CLASP2: variants seen among roughly 807,000 people sequenced by gnomAD.
CLASP2 encodes cytoplasmic linker associated protein 2.
Under a neutral mutation model 194.4 loss-of-function variants are expected in CLASP2, and 47 were observed. The observed-to-expected ratio is 0.24, with a 90% CI of 0.19 to 0.31. The LOEUF (loss-of-function observed/expected upper bound fraction) is 0.31, where lower values mean the gene tolerates loss of function less well. Ranked by LOEUF, CLASP2 falls within the 10% of genes least tolerant of loss-of-function variation. The probability of loss-of-function intolerance (pLI) is 1.00; values close to 1 mark genes in which losing one functional copy is unlikely to be tolerated. For synonymous variants in CLASP2, 619 were observed against 633.5 expected, an observed-to-expected ratio of 0.98 and a Z score of 0.34; for missense variants, 1,445 against 1,823.6, an observed-to-expected ratio of 0.79 and a Z score of 3.78.
At chr3:33,643,676 T>C (rs1214113381) in intron 8 of CLASP2, among the ~76,000 whole-genome samples, 1 of 151,978 alleles carries the variant, frequency 6.6e-6, no homozygotes, top group Non-Finnish European at 1.5e-5. Context: ...TTGCTAGTTA[T>C]ATGACACAGA....
intron 1 of CLASP2, among the ~76,000 whole-genome samples, chr3:33,715,135 GT>G (rs1254984973): frequency 1.3e-5 from 2 of 152,134 alleles, no homozygotes; most frequent in African/African-American, 4.8e-5. Context: ...TGACTCTTAT[GT>G]TTCTTCAGTG....
chr3:33,619,318 G>A (rs576670784), intron 12 of CLASP2, among the ~76,000 whole-genome samples: 7 of 152,124 alleles, frequency 4.6e-5, no homozygotes, highest in African/African-American at 7.2e-5. Flanking sequence ...ATACACACAC[G>A]TAACTGTAGA....
intron 1 of CLASP2, among the ~76,000 whole-genome samples, chr3:33,707,858 A>T (rs1239400193): frequency 6.6e-6 from 1 of 152,224 alleles, no homozygotes; most frequent in East Asian, 1.9e-4. Flanking sequence ...AGGGGGAAAC[A>T]TTAAAAGAGA....
chr3:33,605,593 T>C (rs111793579), intron 16 of CLASP2, among the ~76,000 whole-genome samples: 2,733 of 152,180 alleles, frequency 0.018, 73 homozygotes, highest in African/African-American at 0.062. Context: ...ATCTTTGTGG[T>C]GGTCAAGATC....
chr3:33,717,049 A>G (rs1333867717), intron 1 of CLASP2, among the ~76,000 whole-genome samples: 2 of 152,190 alleles, frequency 1.3e-5, no homozygotes, highest in African/African-American at 2.4e-5. Flanking sequence ...CAACGCGGCT[A>G]CATTACACCC....
chr3:33,715,350 TAAAATTCC>T (rs2093241558), intron 1 of CLASP2, among the ~76,000 whole-genome samples: 1 of 152,208 alleles, frequency 6.6e-6, no homozygotes, highest in Non-Finnish European at 1.5e-5. Context: ...ACCAACTATT[TAAAATTCC>T]AACATATGCA....
At chr3:33,600,155 G>A (rs2071654031) in intron 18 of CLASP2, among the ~76,000 whole-genome samples, 1 of 152,044 alleles carries the variant, frequency 6.6e-6, no homozygotes, top group Admixed American at 6.6e-5. Flanking sequence ...TGCAAAGAGA[G>A]ACAGTTTGTT....
intron 34 of CLASP2, among the ~76,000 whole-genome samples, chr3:33,534,312 A>G (rs1425202321): frequency 6.6e-6 from 1 of 152,218 alleles, no homozygotes; most frequent in African/African-American, 2.4e-5. Flanking sequence ...CTACAATCCC[A>G]GCACTTTGAG....
chr3:33,563,814 T>C (rs1560049068), intron 27 of CLASP2: 1 of 445,372 alleles, frequency 2.2e-6, no homozygotes, highest in Admixed American at 2.4e-5. Flanking sequence ...GTCTGTAAGA[T>C]AATGTCTAAA....
At chr3:33,673,279 G>T (rs1480171878) in intron 6 of CLASP2, among the ~76,000 whole-genome samples, 1 of 151,232 alleles carries the variant, frequency 6.6e-6, no homozygotes, top group African/African-American at 2.4e-5. Flanking sequence ...GAGAGTGGGG[G>T]CCAATATTCA....
At chr3:33,601,660 T>C (rs1426023011) in intron 18 of CLASP2, among the ~76,000 whole-genome samples, 2 of 152,240 alleles carry the variant, frequency 1.3e-5, no homozygotes, top group African/African-American at 2.4e-5. Context: ...TCACCTATTA[T>C]GTTTTCATCA....
chr3:33,660,559 T>G (rs1264716686), intron 7 of CLASP2, among the ~76,000 whole-genome samples: 1 of 152,182 alleles, frequency 6.6e-6, no homozygotes, highest in Non-Finnish European at 1.5e-5. Flanking sequence ...TAAATCAATA[T>G]GCTGTAAGAT....
chr3:33,498,470 A>G lies in CLASP2; in HGVS notation c.*161T>C. 2 of 509,990 alleles carry G rather than the reference A, an allele frequency of 3.9e-6. No individual in the cohort carries two copies. Among genetic ancestry groups the G allele is most frequent in the Non-Finnish European group, 7.0e-6 (2 of 284,134 alleles). 31.6% of individuals were successfully genotyped at this position (509,990 alleles called of 1,614,324 possible). On this transcript the variant is annotated 3_prime_UTR_variant, in exon 39 of 39. Transcript: ENST00000682230. ...TAAAAGTTACATGCAGACTGAGGAT[A>G]GTCCTCTGTTACAGAAAATACAAAA...
chr3:33,537,976 C>A (rs1172695129), intron 33 of CLASP2, among the ~76,000 whole-genome samples: 1 of 152,108 alleles, frequency 6.6e-6, no homozygotes, highest in Non-Finnish European at 1.5e-5. Flanking sequence ...CTCATCTCTG[C>A]TAAAAATACA....
intron 6 of CLASP2, among the ~76,000 whole-genome samples, chr3:33,673,651 C>T (rs1380841861): frequency 1.2e-4 from 19 of 152,042 alleles, no homozygotes; most frequent in African/African-American, 2.2e-4. Flanking sequence ...GACTGGCAAA[C>T]TGGATAAAGA....
Position 33,689,917 on chromosome 3 carries a change from A to G in CLASP2, c.290T>C (p.Ile97Thr), listed in dbSNP as rs2091156972. The G allele has an allele frequency of 6.3e-7, 1 of 1,587,528 alleles. No individual in the cohort carries two copies. ...GTCTTTGGCATCTCCCATTCTGTCTATTAAAGCTACAATAACTAAAGAAGG... is the reference window on the plus strand; with the variant it reads ...GTCTTTGGCATCTCCCATTCTGTCTGTTAAAGCTACAATAACTAAAGAAGG... ...SYVAMVIVAL[I>T]DRMGDAKDKV... The change falls in exon 3 of 39, where the codon ATA (isoleucine) becomes ACA (threonine). Residue 97 changes from isoleucine to threonine, a missense_variant. By Grantham distance (89) the Ile-to-Thr change is moderately conservative (BLOSUM62 -1). Around this residue, in one of 4 missense-constraint regions of CLASP2, gnomAD observed 332 missense variants for 325.3 expected, o/e 1.02. Coordinates refer to ENST00000682230, the MANE Select transcript of CLASP2 (RefSeq NM_001365631.1).
Position 33,677,031 on chromosome 3 carries a change from A to G in CLASP2, c.644+7328T>C, listed in dbSNP as rs551053068. ...ATCATCTCACACCAGTTAGAATGGC[A>G]ATCATTAAAAAGTCAGGAAACAACA... On this transcript the variant is annotated intron_variant, in intron 6 of 38. Coordinates refer to ENST00000682230, the MANE Select transcript of CLASP2 (RefSeq NM_001365631.1). Among the ~76,000 whole-genome samples the G allele has an allele frequency of 3.9e-5, 6 of 152,240 alleles. No homozygotes were observed. The East Asian group carries it at 9.7e-4, about 25-fold the overall frequency.
At position 33,718,096 on chromosome 3, in the gene CLASP2, G is replaced by C; in HGVS notation, c.-94C>G. 1 of 1,322,706 alleles carries C rather than the reference G, an allele frequency of 7.6e-7. No homozygotes were observed. The highest frequency in any genetic ancestry group is 2.7e-4 in the Middle Eastern group (1 of 3,642). 81.9% of individuals were successfully genotyped at this position (1,322,706 alleles called of 1,614,324 possible). On this transcript the variant is annotated 5_prime_UTR_variant, in exon 1 of 39. Coordinates refer to ENST00000682230, the MANE Select transcript of CLASP2 (RefSeq NM_001365631.1). ...AGTGCGGGTCCCCGCGGGAGCGGGC[G>C]GGACTCACTTAGCCCGCCAGGGGCG...
intron 1 of CLASP2, among the ~76,000 whole-genome samples, chr3:33,709,501 C>T (rs1293864818): frequency 6.6e-6 from 1 of 151,930 alleles, no homozygotes; most frequent in Non-Finnish European, 1.5e-5. Context: ...AGGAGGAGGC[C>T]AAAAGCCACA....
Sources: allele counts gnomAD v4.1 joint callset (sites outside exome capture counted in the v4.1 genomes callset), GRCh38; gene constraint gnomAD v4.1.1; regional missense constraint gnomAD v4.1.1; transcripts MANE v1.5; gene names NCBI Gene and HGNC (gene_info 2026-07-23, HGNC 2026-07-21).